Variants in PPP3R1 observed in about 807,000 individuals in gnomAD.
The protein encoded by PPP3R1 is protein phosphatase 3 regulatory subunit B, alpha.
PPP3R1 carries 5 observed loss-of-function variants against 22.6 expected under a neutral mutation model. That is an observed-to-expected ratio of 0.22 (90% CI 0.12 to 0.46). The LOEUF is 0.46. PPP3R1 is among the 20% of genes least tolerant of loss of function. The probability of loss-of-function intolerance (pLI) is 0.99; values close to 1 mark genes in which losing one functional copy is unlikely to be tolerated. For synonymous variants in PPP3R1, 56 were observed against 65.2 expected, an observed-to-expected ratio of 0.86 and a Z score of 0.68; for missense variants, 61 against 203.2, an observed-to-expected ratio of 0.30 and a Z score of 4.25.
intron 4 of PPP3R1, 43 bp from the exon 5 acceptor site, chr2:68,186,695 C>T: frequency 6.7e-7 from 1 of 1,483,788 alleles, no homozygotes; most frequent in Non-Finnish European, 9.2e-7. Context: ...ACAAAGCAAT[C>T]ACAAGTAAAT....
chr2:68,199,421 A>C (rs913907143), intron 2 of PPP3R1, among the ~76,000 whole-genome samples: 1 of 152,120 alleles, frequency 6.6e-6, no homozygotes, highest in African/African-American at 2.4e-5. Flanking sequence ...AAACAATTTT[A>C]CTCCTTCCTT....
At chr2:68,229,934 G>T (rs1238473215) in intron 1 of PPP3R1, among the ~76,000 whole-genome samples, 1 of 148,328 alleles carries the variant, frequency 6.7e-6, no homozygotes, top group Non-Finnish European at 1.5e-5. Flanking sequence ...ATATGTGTGT[G>T]TATGTGTGTA....
chr2:68,240,823 T>C (rs1670109447), intron 1 of PPP3R1, among the ~76,000 whole-genome samples: 1 of 152,208 alleles, frequency 6.6e-6, no homozygotes, highest in Non-Finnish European at 1.5e-5. Flanking sequence ...TTTCAGTCTT[T>C]ATAATGCCGG....
intron 1 of PPP3R1, among the ~76,000 whole-genome samples, chr2:68,218,935 T>G (rs916130470): frequency 5.3e-5 from 8 of 152,126 alleles, no homozygotes; most frequent in African/African-American, 1.9e-4. Context: ...CCACAAGACC[T>G]AAGAACCAAC....
At chr2:68,247,504 T>A (rs1319473556) in intron 1 of PPP3R1, among the ~76,000 whole-genome samples, 4 of 152,236 alleles carry the variant, frequency 2.6e-5, no homozygotes, top group Non-Finnish European at 5.9e-5. Context: ...GCACTGTTAA[T>A]ATTTCACAGC....
intron 2 of PPP3R1, among the ~76,000 whole-genome samples, chr2:68,194,649 A>C (rs1334411788): frequency 6.6e-6 from 1 of 152,156 alleles, no homozygotes; most frequent in Non-Finnish European, 1.5e-5. Flanking sequence ...CTATTAATAC[A>C]TACACACCAA....
chr2:68,186,103 C>A (rs1278122284), intron 5 of PPP3R1, among the ~76,000 whole-genome samples: 1 of 152,188 alleles, frequency 6.6e-6, no homozygotes, highest in African/African-American at 2.4e-5. Context: ...GTATCTCTAG[C>A]TTGCAGTTTA....
chr2:68,211,796 C>T (rs772449244), intron 2 of PPP3R1, among the ~76,000 whole-genome samples: 51 of 152,284 alleles, frequency 3.3e-4, no homozygotes, highest in Non-Finnish European at 5.0e-4. Flanking sequence ...ATCAAGAAAC[C>T]ACTTTCTTTA....
At chr2:68,183,969 A>G (rs564658381) in intron 5 of PPP3R1, among the ~76,000 whole-genome samples, 1 of 152,298 alleles carries the variant, frequency 6.6e-6, no homozygotes, top group African/African-American at 2.4e-5. Flanking sequence ...AGACAGTGTA[A>G]GTCCAGCTGC....
intron 1 of PPP3R1, among the ~76,000 whole-genome samples, chr2:68,225,207 A>C (rs1011512618): frequency 6.6e-6 from 1 of 152,238 alleles, no homozygotes; most frequent in Non-Finnish European, 1.5e-5. Context: ...CATGTAATTA[A>C]GGTCCCAAAT....
At chr2:68,196,490 T>C (rs373569172) in intron 2 of PPP3R1, among the ~76,000 whole-genome samples, 62 of 152,318 alleles carry the variant, frequency 4.1e-4, no homozygotes, top group African/African-American at 1.3e-3. Context: ...CTTGAAATAG[T>C]ATATTATGAA....
chr2:68,213,079 C>T (rs1244311240), intron 2 of PPP3R1, among the ~76,000 whole-genome samples: 4 of 152,208 alleles, frequency 2.6e-5, no homozygotes, highest in Non-Finnish European at 5.9e-5. Context: ...GCTATCCAGA[C>T]CATAAAAATT....
intron 2 of PPP3R1, among the ~76,000 whole-genome samples, chr2:68,209,421 T>A (rs961028547): frequency 8.0e-6 from 1 of 124,764 alleles, no homozygotes; most frequent in Admixed American, 8.0e-5. Context: ...GCAGATAAAT[T>A]AATAAATAAG....
At chr2:68,235,570 C>A (rs1281831194) in intron 1 of PPP3R1, among the ~76,000 whole-genome samples, 1 of 152,108 alleles carries the variant, frequency 6.6e-6, no homozygotes, top group Non-Finnish European at 1.5e-5. Flanking sequence ...ACATTTCATT[C>A]GTATGAACAT....
At chr2:68,207,194 T>C (rs1172797582) in intron 2 of PPP3R1, among the ~76,000 whole-genome samples, 3 of 141,802 alleles carry the variant, frequency 2.1e-5, no homozygotes, top group Admixed American at 7.1e-5. Flanking sequence ...TTTTGGGAAA[T>C]TGATCCAAAT....
At chr2:68,235,599 T>C (rs144506612) in intron 1 of PPP3R1, among the ~76,000 whole-genome samples, 1 of 152,220 alleles carries the variant, frequency 6.6e-6, no homozygotes, top group Non-Finnish European at 1.5e-5. Context: ...TATCGATTCA[T>C]CAGTTAATAA....
At chr2:68,244,208 C>G (rs1430412478) in intron 1 of PPP3R1, among the ~76,000 whole-genome samples, 1 of 152,136 alleles carries the variant, frequency 6.6e-6, no homozygotes, top group Non-Finnish European at 1.5e-5. Flanking sequence ...GCAAAGACTG[C>G]CAAAGTATTA....
At chr2:68,187,057 A>G (rs1674560945) in intron 4 of PPP3R1, among the ~76,000 whole-genome samples, 198 bp downstream of exon 4, 1 of 152,216 alleles carries the variant, frequency 6.6e-6, no homozygotes, top group Non-Finnish European at 1.5e-5. Context: ...CTATCCAACT[A>G]AAAGCAGCAA....
At chr2:68,190,168 G>A (rs539165446) in intron 2 of PPP3R1, among the ~76,000 whole-genome samples, 9 of 148,528 alleles carry the variant, frequency 6.1e-5, no homozygotes, top group Non-Finnish European at 8.9e-5. Flanking sequence ...TTCGTAAAGA[G>A]GAAGGAGAGT....
Sources: gnomAD v4.1 joint callset for allele counts (sites outside exome capture counted in the v4.1 genomes callset) on GRCh38, gnomAD v4.1.1 for gene constraint, MANE v1.5 for transcripts, NCBI Gene and HGNC (gene_info 2026-07-23, HGNC 2026-07-21) for gene names.